CTNND2: variants seen among roughly 807,000 people sequenced by gnomAD.
CTNND2 encodes catenin delta 2, also known as catenin delta-2.
A neutral mutation model predicts 144.4 loss-of-function variants in CTNND2; 22 were observed. That is an observed-to-expected ratio of 0.15 (90% CI 0.11 to 0.22). CTNND2 has a LOEUF of 0.22. Among genes scored for constraint, CTNND2 ranks in the 10% least tolerant of loss-of-function variants. The probability of loss-of-function intolerance (pLI) is 1.00; values close to 1 mark genes in which losing one functional copy is unlikely to be tolerated. For missense variants in CTNND2, 1,353 were observed against 1,618.8 expected (o/e 0.84, Z 2.82); for synonymous variants, 751 against 695.6 (o/e 1.08, Z -1.25).
At chr5:11,832,961 A>AG (rs144567816) in intron 1 of CTNND2, among the ~76,000 whole-genome samples, 6,378 of 152,228 alleles carry the variant, frequency 0.042, 190 homozygotes, top group Admixed American at 0.073. Context: ...AACACAGGAA[A>AG]GAAAAAAAAT....
At chr5:11,279,154 A>C (rs1304465501) in intron 9 of CTNND2, among the ~76,000 whole-genome samples, 1 of 152,170 alleles carries the variant, frequency 6.6e-6, no homozygotes, top group African/African-American at 2.4e-5. Context: ...GCTCGGTTCT[A>C]TAGACAAATA....
intron 9 of CTNND2, among the ~76,000 whole-genome samples, chr5:11,242,799 T>G (rs976770378): frequency 2.6e-5 from 4 of 152,184 alleles, no homozygotes; most frequent in African/African-American, 9.7e-5. Context: ...AGTTCAGAAT[T>G]TGAACATCTG....
chr5:11,632,591 T>C (rs983142104), intron 2 of CTNND2, among the ~76,000 whole-genome samples: 1 of 152,120 alleles, frequency 6.6e-6, no homozygotes, highest in Non-Finnish European at 1.5e-5. Context: ...CATGAAAGTG[T>C]GACCCATATA....
intron 9 of CTNND2, among the ~76,000 whole-genome samples, chr5:11,252,209 T>C (rs114143984): frequency 0.013 from 1,927 of 152,304 alleles, 42 homozygotes; most frequent in Admixed American, 0.045. Context: ...CCCAGATCCT[T>C]TGTTGGGCTG....
At chr5:11,723,755 G>C (rs1161281528) in intron 2 of CTNND2, among the ~76,000 whole-genome samples, 1 of 152,118 alleles carries the variant, frequency 6.6e-6, no homozygotes, top group Non-Finnish European at 1.5e-5. Context: ...GTGAGAGTTA[G>C]AAAAATATTA....
At chr5:11,284,962 C>G (rs1264124795) in intron 9 of CTNND2, among the ~76,000 whole-genome samples, 1 of 152,344 alleles carries the variant, frequency 6.6e-6, no homozygotes, top group African/African-American at 2.4e-5. Flanking sequence ...CAGAGCCCCC[C>G]TCCTTGACAA....
intron 8 of CTNND2, among the ~76,000 whole-genome samples, chr5:11,348,037 T>C (rs1168760981): frequency 6.6e-6 from 1 of 152,110 alleles, no homozygotes; most frequent in Non-Finnish European, 1.5e-5. Flanking sequence ...GGAAATTAGG[T>C]TCCGTGACAT....
chr5:11,070,181 T>C (rs1026560385), intron 16 of CTNND2, among the ~76,000 whole-genome samples: 1 of 152,252 alleles, frequency 6.6e-6, no homozygotes. Flanking sequence ...ATAAGGACTT[T>C]ATCTGTGATA....
intron 2 of CTNND2, among the ~76,000 whole-genome samples, chr5:11,711,321 T>C (rs1250364937): frequency 2.0e-5 from 3 of 152,062 alleles, no homozygotes; most frequent in Non-Finnish European, 4.4e-5. Flanking sequence ...CCTCCCAAAG[T>C]GCTAGAATTA....
At chr5:11,850,293 C>G (rs973078622) in intron 1 of CTNND2, among the ~76,000 whole-genome samples, 1 of 151,936 alleles carries the variant, frequency 6.6e-6, no homozygotes, top group African/African-American at 2.4e-5. Flanking sequence ...AAAAAGTAGC[C>G]TACAATTTTG....
At chr5:11,341,232 T>C (rs1754247804) in intron 9 of CTNND2, among the ~76,000 whole-genome samples, 1 of 152,116 alleles carries the variant, frequency 6.6e-6, no homozygotes, top group South Asian at 2.1e-4. Flanking sequence ...TCTCAAACGA[T>C]TTCAAAGGTC....
intron 1 of CTNND2, among the ~76,000 whole-genome samples, chr5:11,839,786 G>A (rs1227020279): frequency 6.8e-6 from 1 of 147,126 alleles, no homozygotes; most frequent in African/African-American, 2.4e-5. Flanking sequence ...GACATAGGTA[G>A]AGAGAGAGAG....
chr5:11,193,529 G>C (rs936219611), intron 11 of CTNND2, among the ~76,000 whole-genome samples: 2 of 152,110 alleles, frequency 1.3e-5, no homozygotes, highest in Admixed American at 6.6e-5. Context: ...AAATAAAACT[G>C]GACTTAATTT....
chr5:11,292,470 G>A (rs1366391039), intron 9 of CTNND2, among the ~76,000 whole-genome samples: 4 of 149,996 alleles, frequency 2.7e-5, no homozygotes, highest in African/African-American at 7.3e-5. Flanking sequence ...TGTGGAGGGC[G>A]GGATGTGGTG....
chr5:11,803,151 C>G (rs58169727), intron 1 of CTNND2, among the ~76,000 whole-genome samples: 12,952 of 152,014 alleles, frequency 0.085, 1,618 homozygotes, highest in African/African-American at 0.27. Flanking sequence ...GAAACCCCGT[C>G]TCTACTAAAA....
chr5:11,025,100 C>T (rs1461347291), intron 16 of CTNND2, among the ~76,000 whole-genome samples: 1 of 151,744 alleles, frequency 6.6e-6, no homozygotes, highest in Non-Finnish European at 1.5e-5. Flanking sequence ...TTTTACTAGG[C>T]AATTGGAGAT....
intron 11 of CTNND2, among the ~76,000 whole-genome samples, chr5:11,182,143 T>G (rs996879879): frequency 7.1e-6 from 1 of 141,422 alleles, no homozygotes; most frequent in African/African-American, 2.7e-5. Context: ...GGTGTGTGTG[T>G]GTGGATGGGG....
intron 1 of CTNND2, among the ~76,000 whole-genome samples, chr5:11,890,794 A>C (rs1434260013): frequency 6.6e-6 from 1 of 152,254 alleles, no homozygotes; most frequent in South Asian, 2.1e-4. Context: ...GTTAGGACAG[A>C]AACACTTGCT....
In CTNND2 at chr5:11,809,831, A is replaced by G. The variant is rs1581920561; in HGVS notation, c.38-77559T>C. The stretch of plus-strand genomic sequence containing the variant: ...ATTGAAAGGGTACAGGGCATCTGAG[A>G]AGTCACTGCGGTCCTATTGTAAATA... On this transcript the variant is annotated intron_variant, in intron 1 of 21. Coordinates refer to ENST00000304623, the MANE Select transcript of CTNND2 (RefSeq NM_001332.4). Among the ~76,000 whole-genome samples, 3 of 152,302 alleles carry G rather than the reference A, an allele frequency of 2.0e-5. No homozygotes were observed. The East Asian group carries it at 5.8e-4, about 29-fold the overall frequency.
Sources: gnomAD v4.1 joint callset for allele counts (sites outside exome capture counted in the v4.1 genomes callset) on GRCh38, gnomAD v4.1.1 for gene constraint, MANE v1.5 for transcripts, NCBI Gene and HGNC (gene_info 2026-07-23, HGNC 2026-07-21) for gene names.